Variants in ADAMTSL1 observed in about 807,000 individuals in gnomAD.
The protein encoded by ADAMTSL1 is ADAMTS like 1.
In ADAMTSL1, 126 loss-of-function variants were observed where a neutral mutation model predicts 201.8. The observed-to-expected ratio is 0.62, with a 90% CI of 0.54 to 0.72. ADAMTSL1 has a LOEUF of 0.72. ADAMTSL1 is among the 30% of genes least tolerant of loss of function. The pLI, the probability that ADAMTSL1 is intolerant of heterozygous loss-of-function variation, is 0.00. For synonymous variants in ADAMTSL1, 1,121 were observed against 903.4 expected (o/e 1.24, Z -4.32); for missense variants, 2,679 against 2,277.8 (o/e 1.18, Z -3.59).
intron 2 of ADAMTSL1, among the ~76,000 whole-genome samples, chr9:18,169,938 C>G (rs1160879064): frequency 6.6e-6 from 1 of 151,940 alleles, no homozygotes; most frequent in Admixed American, 6.6e-5. Context: ...ACAACTATAA[C>G]TTGAGTTGGC....
At chr9:18,512,042 T>C (rs956207446) in intron 2 of ADAMTSL1, among the ~76,000 whole-genome samples, 3 of 152,224 alleles carry the variant, frequency 2.0e-5, no homozygotes, top group African/African-American at 4.8e-5. Context: ...AAAAGAAAGA[T>C]ATACAAGTTC....
At chr9:18,460,457 A>T (rs1193240973) in intron 2 of ADAMTSL1, among the ~76,000 whole-genome samples, 2 of 152,140 alleles carry the variant, frequency 1.3e-5, no homozygotes, top group Non-Finnish European at 2.9e-5. Context: ...AAGTAGATCC[A>T]GGTTTTATGG....
At chr9:18,323,918 A>C (rs1393575677) in intron 2 of ADAMTSL1, among the ~76,000 whole-genome samples, 1 of 152,212 alleles carries the variant, frequency 6.6e-6, no homozygotes, top group Non-Finnish European at 1.5e-5. Flanking sequence ...ATTGACTTAT[A>C]GATTCAGTGC....
chr9:18,703,028 C>T (rs1225310270), intron 13 of ADAMTSL1, among the ~76,000 whole-genome samples: 1 of 152,156 alleles, frequency 6.6e-6, no homozygotes. Context: ...TCCCAAAGTG[C>T]TGGGATCCCA....
intron 2 of ADAMTSL1, among the ~76,000 whole-genome samples, chr9:18,202,924 A>G (rs539767867): frequency 1.3e-5 from 2 of 152,210 alleles, no homozygotes; most frequent in East Asian, 3.9e-4. Flanking sequence ...CTAACTACAG[A>G]AAGTAGTTAG....
chr9:18,611,358 A>G (rs968702272), intron 4 of ADAMTSL1, among the ~76,000 whole-genome samples: 1 of 152,212 alleles, frequency 6.6e-6, no homozygotes, highest in Non-Finnish European at 1.5e-5. Context: ...GAGGGAGAAG[A>G]CAGCCTGCTA....
intron 2 of ADAMTSL1, among the ~76,000 whole-genome samples, chr9:18,384,855 C>T (rs1335384886): frequency 6.6e-6 from 1 of 152,150 alleles, no homozygotes; most frequent in Non-Finnish European, 1.5e-5. Flanking sequence ...TCCTAGATCA[C>T]CTTACTCTTT....
intron 1 of ADAMTSL1, among the ~76,000 whole-genome samples, chr9:18,149,290 T>C (rs1384583178): frequency 2.0e-5 from 3 of 151,670 alleles, no homozygotes; most frequent in Non-Finnish European, 4.4e-5. Flanking sequence ...TGTAAAGCCA[T>C]AGAGGAGCAG....
At chr9:18,045,658 G>A (rs2131646296) in intron 1 of ADAMTSL1, among the ~76,000 whole-genome samples, 1 of 152,058 alleles carries the variant, frequency 6.6e-6, no homozygotes, top group Middle Eastern at 3.4e-3. Context: ...GCTTTCGGCA[G>A]TGAATTTAAC....
chr9:18,041,876 C>A (rs914172138), intron 1 of ADAMTSL1, among the ~76,000 whole-genome samples: 6 of 152,106 alleles, frequency 3.9e-5, no homozygotes, highest in Admixed American at 6.6e-5. Flanking sequence ...CTTTGCTATT[C>A]ATACATCTGA....
In ADAMTSL1 at chr9:18,535,795, T is replaced by G. The variant is rs150186778; in HGVS notation, c.237+2503T>G. Reference sequence around the variant, plus strand: ...GAACTGAGTGAAGGGAGAAGCCCCTTATAAAATCATCAGATCTTGTGAGAA... The same window carrying G: ...GAACTGAGTGAAGGGAGAAGCCCCTGATAAAATCATCAGATCTTGTGAGAA... On this transcript the variant is annotated intron_variant, in intron 3 of 28. Transcript: ENST00000380548. Among the ~76,000 whole-genome samples, 671 of 152,270 alleles carry G rather than the reference T, an allele frequency of 4.4e-3. 4 individuals are homozygous for G. Among genetic ancestry groups the G allele is most frequent in the African/African-American group, 0.015 (615 of 41,556 alleles).
chr9:18,426,391 A>T (rs1819223301), intron 2 of ADAMTSL1, among the ~76,000 whole-genome samples: 1 of 152,220 alleles, frequency 6.6e-6, no homozygotes, highest in Non-Finnish European at 1.5e-5. Flanking sequence ...TAGACTGGCA[A>T]ATAATTCCCT....
At chr9:18,626,798 G>C (rs1425417484) in intron 5 of ADAMTSL1, among the ~76,000 whole-genome samples, 1 of 143,038 alleles carries the variant, frequency 7.0e-6, no homozygotes, top group Admixed American at 7.4e-5. Context: ...TACTGCACCT[G>C]TATTTATTTT....
intron 13 of ADAMTSL1, among the ~76,000 whole-genome samples, chr9:18,702,166 G>A (rs113137499): frequency 0.011 from 1,649 of 152,252 alleles, 27 homozygotes; most frequent in African/African-American, 0.036. Flanking sequence ...CCGCCCCCAT[G>A]ATTCAATCAT....
chr9:18,025,999 T>C (rs1820677741), intron 1 of ADAMTSL1, among the ~76,000 whole-genome samples: 1 of 151,814 alleles, frequency 6.6e-6, no homozygotes, highest in South Asian at 2.1e-4. Flanking sequence ...TAGGTATTTT[T>C]TTGTGGCTAT....
chr9:18,381,258 C>T (rs1336636303), intron 2 of ADAMTSL1, among the ~76,000 whole-genome samples: 1 of 152,066 alleles, frequency 6.6e-6, no homozygotes, highest in African/African-American at 2.4e-5. Context: ...TGATTTTCTT[C>T]TTGCTGTCAA....
At chr9:18,065,582 A>C (rs1410863197) in intron 1 of ADAMTSL1, among the ~76,000 whole-genome samples, 2 of 152,174 alleles carry the variant, frequency 1.3e-5, no homozygotes, top group Admixed American at 1.3e-4. Flanking sequence ...AAAAATAAAC[A>C]CAGGGGTAAT....
intron 1 of ADAMTSL1, among the ~76,000 whole-genome samples, chr9:18,127,411 T>C (rs1173524431): frequency 6.6e-6 from 1 of 150,622 alleles, no homozygotes; most frequent in Non-Finnish European, 1.5e-5. Flanking sequence ...GAGAAAAAAT[T>C]AATGAGAATT....
chr9:18,839,088 G>A (rs1347857203), intron 23 of ADAMTSL1, among the ~76,000 whole-genome samples: 1 of 149,908 alleles, frequency 6.7e-6, no homozygotes, highest in African/African-American at 2.5e-5. Flanking sequence ...CAATGTGCAG[G>A]TTACTTACAT....
Sources: gnomAD v4.1 joint callset for allele counts (sites outside exome capture counted in the v4.1 genomes callset) on GRCh38, gnomAD v4.1.1 for gene constraint, MANE v1.5 for transcripts, NCBI Gene and HGNC (gene_info 2026-07-23, HGNC 2026-07-21) for gene names.